The following SRR variants were observed in gnomAD, a reference collection of about 807,000 sequenced individuals.
SRR encodes the protein D-serine ammonia-lyase.
Under a neutral mutation model 32.7 loss-of-function variants are expected in SRR, and 19 were observed. The observed-to-expected ratio is 0.58, with a 90% CI of 0.40 to 0.85. The LOEUF (loss-of-function observed/expected upper bound fraction) is 0.85, where lower values mean the gene tolerates loss of function less well. Ranked by LOEUF, SRR falls within the 40% of genes least tolerant of loss-of-function variation. SRR has a pLI of 0.00. For missense variants in SRR, 373 were observed against 404.7 expected, an observed-to-expected ratio of 0.92 and a Z score of 0.67; for synonymous variants, 142 against 140.9, an observed-to-expected ratio of 1.01 and a Z score of -0.06.
chr17:2,324,180 A>G lies in SRR; in HGVS notation c.*307A>G. 6.6e-7 allele frequency: 1 copy of G among 1,514,688 alleles called. No homozygotes were observed. Among genetic ancestry groups the G allele is most frequent in the Non-Finnish European group, 8.8e-7 (1 of 1,136,176 alleles). 93.8% of individuals were successfully genotyped at this position (1,514,688 alleles called of 1,614,324 possible). ...GTACTGACTGGCACCGGTAAGACAG[A>G]ATCTCTTTGAATCCATTACTCCATG... On this transcript the variant is annotated 3_prime_UTR_variant, in exon 8 of 8. Coordinates refer to ENST00000344595, the MANE Select transcript of SRR (RefSeq NM_021947.3).
At chr17:2,318,734 T>G in intron 3 of SRR, 92 bp from the exon 4 acceptor site, 1 of 807,686 alleles carries the variant, frequency 1.2e-6, no homozygotes. Flanking sequence ...CCTCCCAAAG[T>G]GCTGGGATTA....
chr17:2,317,744 G>A (rs1414464658), intron 2 of SRR, 126 bp from the exon 3 acceptor site: 3 of 999,108 alleles, frequency 3.0e-6, no homozygotes, highest in Non-Finnish European at 4.4e-6. Flanking sequence ...ATATTTAAGA[G>A]GTAAATCGAT....
chr17:2,318,840 A>G lies in SRR; in HGVS notation c.310A>G (p.Ile104Val), dbSNP rs757749827. 1 of 1,613,104 alleles carries G rather than the reference A, an allele frequency of 6.2e-7. No homozygotes were observed. The highest frequency in any genetic ancestry group is 8.5e-7 in the Non-Finnish European group (1 of 1,179,436). ...TCCTCTCCCAGGAATTCCTGCTTAT[A>G]TTGTGGTGCCCCAGACAGCTCCAGA... ...AAKLEGIPAY[I>V]VVPQTAPDCK... Residue 104 changes from isoleucine to valine, a missense_variant, in exon 4 of 8, where the codon ATT becomes GTT. Transcript: ENST00000344595.
upstream of SRR, chr17:2,303,929 T>C (rs2075351204): frequency 4.0e-6 from 1 of 252,220 alleles, no homozygotes; most frequent in Admixed American, 6.4e-5. Flanking sequence ...AGAGCCTGGG[T>C]GGGGCGGGCG....
chr17:2,324,996 T>C lies in SRR; in HGVS notation c.*1123T>C, dbSNP rs1160352821. The C allele has an allele frequency of 9.8e-6, 7 of 716,108 alleles. No individual in the cohort carries two copies. The highest frequency in any genetic ancestry group is 1.1e-5 in the Non-Finnish European group (5 of 452,838). 44.4% of individuals were successfully genotyped at this position (716,108 alleles called of 1,614,324 possible). A position where few individuals can be genotyped will look rare whatever the true frequency, so the allele number is the denominator to read the frequency against. ...GTAAGCCCACACTTAACCTTGTCAA[T>C]AGGTTCTTGAAAACTTGTACTTCAA... is the stretch of plus-strand genomic sequence containing the variant. On this transcript the variant is annotated 3_prime_UTR_variant, in exon 8 of 8. Coordinates refer to ENST00000344595, the MANE Select transcript of SRR (RefSeq NM_021947.3).
chr17:2,321,936 C>A (rs964041543), intron 6 of SRR, among the ~76,000 whole-genome samples: 4 of 152,178 alleles, frequency 2.6e-5, no homozygotes, highest in African/African-American at 4.8e-5. Context: ...AGCCACCACA[C>A]CCCGCTAATT....
chr17:2,307,123 A>G, intron 1 of SRR: 1 of 1,149,802 alleles, frequency 8.7e-7, no homozygotes, highest in South Asian at 1.2e-5. Flanking sequence ...ATATCACCTA[A>G]GTGATTATTT....
intron 2 of SRR, among the ~76,000 whole-genome samples, chr17:2,316,120 G>T (rs1419215427): frequency 1.3e-5 from 2 of 152,094 alleles, no homozygotes; most frequent in African/African-American, 4.8e-5. Flanking sequence ...TACGATTTCT[G>T]TGTTTAGATA....
At chr17:2,307,501 G>A in intron 1 of SRR, 4 of 1,422,148 alleles carry the variant, frequency 2.8e-6, no homozygotes, top group Non-Finnish European at 3.9e-6. Context: ...AATGGATTTG[G>A]TAATGATGGA....
At chr17:2,311,572 C>T (rs1200625174) in intron 1 of SRR, among the ~76,000 whole-genome samples, 1 of 152,116 alleles carries the variant, frequency 6.6e-6, no homozygotes, top group African/African-American at 2.4e-5. Flanking sequence ...GCCTGGGAGG[C>T]AGAGGTTGCA....
upstream of SRR, chr17:2,303,566 G>A: frequency 2.9e-6 from 4 of 1,365,430 alleles, no homozygotes; most frequent in Non-Finnish European, 2.8e-6. Context: ...GCGGGGAGGA[G>A]GCAGAGGAGG....
Position 2,304,426 on chromosome 17 carries a change from A to AT in SRR, c.-5+415dup, listed in dbSNP as rs1395439512. On this transcript the variant is annotated intron_variant, in intron 1 of 7. Coordinates refer to ENST00000344595, the MANE Select transcript of SRR (RefSeq NM_021947.3). ...GCCACCAAGCCCGGCTAATTTTTGT[A>AT]TTTTTTGTAGAGACGGGGTTTCACT... Among the ~76,000 whole-genome samples the AT allele has an allele frequency of 1.1e-4, 14 of 131,216 alleles. No homozygotes were observed. In the East Asian group the frequency reaches 3.1e-3, roughly 29 times the overall value. 86.1% of individuals were successfully genotyped at this position (131,216 alleles called of 152,430 possible). A position where few individuals can be genotyped will look rare whatever the true frequency, so the allele number is the denominator to read the frequency against.
intron 4 of SRR, 97 bp from the exon 5 acceptor site, chr17:2,321,198 CAAAGTGTGAAA>C: frequency 1.5e-6 from 2 of 1,341,770 alleles, no homozygotes; most frequent in Non-Finnish European, 2.1e-6. Context: ...AGTACCTGAA[CAAAGTGTGAAA>C]AAAGTAGATG....
At chr17:2,303,412 G>C (rs2075332249), upstream of SRR, 10 of 1,250,990 alleles carry the variant, frequency 8.0e-6, no homozygotes, top group East Asian at 2.5e-4. Flanking sequence ...GCAGGAATTC[G>C]GGCCAGGCTC....
upstream of SRR, chr17:2,303,753 C>T (rs981128551): frequency 4.1e-6 from 6 of 1,475,528 alleles, no homozygotes; most frequent in African/African-American, 7.3e-5. Context: ...GTAGCGGCTC[C>T]GCCACCGCCG....
At chr17:2,313,760 A>C (rs2075450505) in intron 1 of SRR, among the ~76,000 whole-genome samples, 1 of 152,138 alleles carries the variant, frequency 6.6e-6, no homozygotes, top group African/African-American at 2.4e-5. Context: ...AAAAATGTTG[A>C]TAAATGTACT....
At chr17:2,310,720 A>T (rs544073332) in intron 1 of SRR, among the ~76,000 whole-genome samples, 1 of 152,044 alleles carries the variant, frequency 6.6e-6, no homozygotes, top group Non-Finnish European at 1.5e-5. Flanking sequence ...CTGGGACTAC[A>T]GGCAAATGCC....
chr17:2,319,566 C>G (rs551932128), intron 4 of SRR, among the ~76,000 whole-genome samples: 1 of 152,206 alleles, frequency 6.6e-6, no homozygotes, highest in South Asian at 2.1e-4. Flanking sequence ...CAGGCATGAC[C>G]CACTGCACAC....
chr17:2,303,471 G>A (rs2151424446), upstream of SRR: 6 of 1,319,858 alleles, frequency 4.5e-6, no homozygotes, highest in East Asian at 1.6e-4. Flanking sequence ...ACTAACCCGC[G>A]AGAGAGGTAG....
Sources: allele counts gnomAD v4.1 joint callset (sites outside exome capture counted in the v4.1 genomes callset), GRCh38; gene constraint gnomAD v4.1.1; transcripts MANE v1.5; gene names NCBI Gene and HGNC (gene_info 2026-07-23, HGNC 2026-07-21).